NCALD: variants seen among roughly 807,000 people sequenced by gnomAD.
NCALD encodes the protein neurocalcin delta.
A neutral mutation model predicts 18.6 loss-of-function variants in NCALD; 10 were observed. The observed-to-expected ratio is 0.54, with a 90% CI of 0.33 to 0.91. The LOEUF (loss-of-function observed/expected upper bound fraction) is 0.91. Among genes scored for constraint, NCALD ranks in the 40% least tolerant of loss-of-function variants. The pLI, the probability that NCALD is intolerant of heterozygous loss-of-function variation, is 0.03. For missense variants in NCALD, 184 were observed against 247.6 expected (o/e 0.74, Z 1.72); for synonymous variants, 88 against 87.4 (o/e 1.01, Z -0.04).
At chr8:102,040,405 T>C (rs1823007828) in intron 1 of NCALD, among the ~76,000 whole-genome samples, 2 of 150,216 alleles carry the variant, frequency 1.3e-5, no homozygotes, top group Admixed American at 6.7e-5. Context: ...AACCGGGAAG[T>C]AGAGGTTGCT....
At chr8:102,047,062 G>A (rs544228572) in intron 1 of NCALD, among the ~76,000 whole-genome samples, 2 of 152,272 alleles carry the variant, frequency 1.3e-5, no homozygotes, top group African/African-American at 4.8e-5. Context: ...TTATAAGTGA[G>A]AACATGTAGT....
rs986613995 is a variant in NCALD at position 101,873,040 on chromosome 8, A to G, written c.-20+14101T>C. Among the ~76,000 whole-genome samples, 7 of 148,958 alleles carry G rather than the reference A, an allele frequency of 4.7e-5. No individual in the cohort carries two copies. The East Asian group carries it at 1.4e-3, about 30-fold the overall frequency. On this transcript the variant is annotated intron_variant, in intron 4 of 6. Transcript: ENST00000311028. ...TTTCTCTGCAGTAGATTTCCCCACC[A>G]CTCCTCTCACTTTTCTGCTGCTTTA... is the stretch of plus-strand genomic sequence containing the variant.
Position 102,083,324 on chromosome 8 carries a change from T to C in NCALD, c.-210+40913A>G, listed in dbSNP as rs943126201. 8.5e-4 allele frequency among the ~76,000 whole-genome samples: 129 copies of C among 152,352 alleles called. 1 individual carries two copies. The highest frequency in any genetic ancestry group is 3.0e-3 in the African/African-American group (124 of 41,586). On this transcript the variant is annotated intron_variant, in intron 1 of 6. Transcript: ENST00000311028. ...AGCTCGGCATGATTTTGGCTTATCT[T>C]TGGCAATAAGCAGACCATTCTAGAA...
In NCALD at chr8:101,728,575, C is replaced by T. The variant is rs182030806; in HGVS notation, c.-19-8927G>A. On this transcript the variant is annotated intron_variant, in intron 1 of 3. Transcript: ENST00000220931. ...GTAGCTCATGCCTGTAATCCCAGCACTTTGGGAGGCCGAGGTGGGCAGATC... is the reference window on the plus strand; with the variant it reads ...GTAGCTCATGCCTGTAATCCCAGCATTTTGGGAGGCCGAGGTGGGCAGATC... Among the ~76,000 whole-genome samples the T allele has an allele frequency of 9.1e-3, 1,379 of 152,328 alleles. 16 individuals are homozygous for T. Among genetic ancestry groups the T allele is most frequent in the Non-Finnish European group, 0.015 (990 of 68,030 alleles).
chr8:102,049,068 A>T (rs1158203866), intron 1 of NCALD, among the ~76,000 whole-genome samples: 1 of 152,238 alleles, frequency 6.6e-6, no homozygotes, highest in South Asian at 2.1e-4. Context: ...TAATCCTCAC[A>T]GATCTATTAA....
At chr8:101,776,926 G>T (rs1023115498) in intron 1 of NCALD, among the ~76,000 whole-genome samples, 12 of 152,102 alleles carry the variant, frequency 7.9e-5, no homozygotes, top group Admixed American at 6.6e-5. Context: ...GAACCCTGTA[G>T]TCAGACTACC....
In NCALD at chr8:101,840,639, C is replaced by T. The variant is rs535084447; in HGVS notation, c.-20+46502G>A. Among the ~76,000 whole-genome samples, 5 of 152,146 alleles carry T rather than the reference C, an allele frequency of 3.3e-5. No homozygotes were observed. The South Asian group carries it at 1.0e-3, about 32-fold the overall frequency. ...AACAACAGCCATAAAGCAAGCAGGA[C>T]AAGCTACATATTTGCAAAGGAAATT... On this transcript the variant is annotated intron_variant, in intron 4 of 6. Transcript: ENST00000311028.
intron 1 of NCALD, among the ~76,000 whole-genome samples, chr8:102,073,296 G>A (rs551582308): frequency 2.0e-5 from 3 of 151,862 alleles, no homozygotes; most frequent in South Asian, 2.1e-4. Flanking sequence ...GTGAGACCCC[G>A]ATTCAAAAAA....
At chr8:102,112,327 C>T (rs1431003407) in intron 1 of NCALD, among the ~76,000 whole-genome samples, 1 of 152,122 alleles carries the variant, frequency 6.6e-6, no homozygotes, top group Non-Finnish European at 1.5e-5. Flanking sequence ...CCAGGGGCCT[C>T]ACAGCTAATA....
At chr8:101,836,153 G>A (rs1586604203) in intron 4 of NCALD, among the ~76,000 whole-genome samples, 1 of 152,122 alleles carries the variant, frequency 6.6e-6, no homozygotes, top group African/African-American at 2.4e-5. Flanking sequence ...TCAAATACAA[G>A]AAGGAGATAA....
At chr8:101,871,964 A>G (rs1816038966) in intron 4 of NCALD, 6 of 763,946 alleles carry the variant, frequency 7.9e-6, no homozygotes, top group Non-Finnish European at 9.4e-6. Context: ...GACAGTTTCC[A>G]CCCCAACTCA....
intron 2 of NCALD, among the ~76,000 whole-genome samples, chr8:102,000,029 C>G (rs776300005): frequency 6.6e-6 from 1 of 152,160 alleles, no homozygotes; most frequent in Non-Finnish European, 1.5e-5. Flanking sequence ...GATTGTCGGA[C>G]AGTGGGTGCA....
rs553076576 is a variant in NCALD, at chr8:101,797,643, C to T, written c.-19-77995G>A. Among the ~76,000 whole-genome samples the T allele has an allele frequency of 1.1e-4, 17 of 152,266 alleles. No homozygotes were observed. In the East Asian group the frequency reaches 3.1e-3, roughly 28 times the overall value. ...CCATCCTGGCCAACATGGTGAAACA[C>T]TGTCTTTACTAAAAATACAAAAATT... On this transcript the variant is annotated intron_variant, in intron 4 of 6. Transcript: ENST00000311028.
At chr8:101,731,773 A>G (rs189077221) in intron 1 of NCALD, among the ~76,000 whole-genome samples, 6 of 152,256 alleles carry the variant, frequency 3.9e-5, no homozygotes, top group Admixed American at 3.9e-4. Flanking sequence ...CTAATGTCTA[A>G]GTCTGCCTCC....
At chr8:102,009,530 T>C (rs551333580) in intron 2 of NCALD, among the ~76,000 whole-genome samples, 2 of 152,272 alleles carry the variant, frequency 1.3e-5, no homozygotes, top group African/African-American at 4.8e-5. Context: ...CTATTTTATT[T>C]GAAAAGAAGC....
intron 4 of NCALD, among the ~76,000 whole-genome samples, chr8:101,874,973 T>C (rs1816170240): frequency 6.6e-6 from 1 of 152,208 alleles, no homozygotes; most frequent in South Asian, 2.1e-4. Flanking sequence ...AGTCCTGAGC[T>C]ATGCAAGACT....
At chr8:102,048,802 T>C (rs1370836710) in intron 1 of NCALD, among the ~76,000 whole-genome samples, 1 of 152,218 alleles carries the variant, frequency 6.6e-6, no homozygotes, top group Non-Finnish European at 1.5e-5. Flanking sequence ...AGTGGGACTC[T>C]GTAAGGAGAG....
At chr8:101,850,508 G>A (rs1815049337) in intron 4 of NCALD, among the ~76,000 whole-genome samples, 1 of 152,108 alleles carries the variant, frequency 6.6e-6, no homozygotes. Context: ...AGTCTACCCA[G>A]GAAAGAAAAG....
At chr8:102,085,752 T>G (rs1232329551) in intron 1 of NCALD, among the ~76,000 whole-genome samples, 1 of 140,632 alleles carries the variant, frequency 7.1e-6, no homozygotes, top group Non-Finnish European at 1.6e-5. Flanking sequence ...ACTCTGTCTT[T>G]AAAAAAAAAA....
Sources: gnomAD v4.1 joint callset for allele counts (sites outside exome capture counted in the v4.1 genomes callset) on GRCh38, gnomAD v4.1.1 for gene constraint, MANE v1.5 for transcripts, NCBI Gene and HGNC (gene_info 2026-07-23, HGNC 2026-07-21) for gene names.